Variants in IRAK1BP1 observed in about 807,000 individuals in gnomAD.
IRAK1BP1 encodes interleukin 1 receptor associated kinase 1 binding protein 1.
In IRAK1BP1, 24 loss-of-function variants were observed where a neutral mutation model predicts 28.0. The observed-to-expected ratio is 0.86, with a 90% CI of 0.62 to 1.20. The LOEUF (loss-of-function observed/expected upper bound fraction) is 1.20, where lower values mean the gene tolerates loss of function less well. Ranked by LOEUF, IRAK1BP1 falls within the 50% of genes most tolerant of loss-of-function variation. IRAK1BP1 has a pLI of 0.00. For missense variants in IRAK1BP1, 336 were observed against 316.7 expected, an observed-to-expected ratio of 1.06 and a Z score of -0.46; for synonymous variants, 131 against 116.3, an observed-to-expected ratio of 1.13 and a Z score of -0.81.
chr6:78,973,183 C>A, the IRAK1BP1 span, among the ~76,000 whole-genome samples: 1 of 152,098 alleles, frequency 6.6e-6, no homozygotes. Context: ...GATCTCTCAG[C>A]AGAAACTCTA....
intron 4 of IRAK1BP1, among the ~76,000 whole-genome samples, chr6:78,908,244 G>T (rs966177334): frequency 6.6e-6 from 1 of 151,472 alleles, no homozygotes; most frequent in African/African-American, 2.4e-5. Context: ...GTAGAGATGG[G>T]GTTTCACCAT....
At chr6:78,955,737 C>A in the IRAK1BP1 span, 2 of 649,480 alleles carry the variant, frequency 3.1e-6, no homozygotes, top group South Asian at 2.2e-5. Flanking sequence ...AATTTTTTTC[C>A]TTAAAAATTT....
exon 5 of IRAK1BP1, chr6:78,946,212 G>A: frequency 6.2e-7 from 1 of 1,613,406 alleles, no homozygotes; most frequent in Non-Finnish European, 8.5e-7. Context: ...CAGAGGTAGA[G>A]CTTTCTGATT....
the IRAK1BP1 span, among the ~76,000 whole-genome samples, chr6:78,962,011 G>A: frequency 6.6e-6 from 1 of 151,846 alleles, no homozygotes; most frequent in Non-Finnish European, 1.5e-5. Context: ...CAAATTCTAG[G>A]GGTATTGTTT....
At chr6:78,943,981 GTCT>G (rs1773653939) in intron 4 of IRAK1BP1, among the ~76,000 whole-genome samples, 1 of 46,010 alleles carries the variant, frequency 2.2e-5, no homozygotes, top group Non-Finnish European at 3.9e-5. Context: ...GCAAGATCCT[GTCT>G]TTTTTTAAAA....
chr6:78,912,540 A>ACAC (rs780097580), intron 4 of IRAK1BP1, among the ~76,000 whole-genome samples: 1 of 152,076 alleles, frequency 6.6e-6, no homozygotes, highest in Non-Finnish European at 1.5e-5. Flanking sequence ...ACACACATAC[A>ACAC]CACCACCACC....
At chr6:78,940,810 A>T (rs1306984956) in intron 4 of IRAK1BP1, 1 of 1,613,998 alleles carries the variant, frequency 6.2e-7, no homozygotes, top group South Asian at 1.1e-5. Flanking sequence ...GCTCCTCTTC[A>T]GAGTCATCCT....
At chr6:78,925,358 A>C (rs201098622) in intron 4 of IRAK1BP1, among the ~76,000 whole-genome samples, 1 of 152,202 alleles carries the variant, frequency 6.6e-6, no homozygotes, top group East Asian at 1.9e-4. Flanking sequence ...CAAAAGTCTC[A>C]TTCAAGAAAT....
chr6:78,885,743 T>C lies in IRAK1BP1; in HGVS notation c.381+300T>C, dbSNP rs545289081. Among the ~76,000 whole-genome samples, 8 of 152,276 alleles carry C rather than the reference T, an allele frequency of 5.3e-5. No homozygotes were observed. The East Asian group carries it at 1.3e-3, about 26-fold the overall frequency. ...ACACTACAGGAGAGAAATTTCTTTT[T>C]AGATAAAAAGCAAATAAAGTCATAA... On this transcript the variant is annotated intron_variant, in intron 2 of 3. Coordinates refer to ENST00000369940, the MANE Select transcript of IRAK1BP1 (RefSeq NM_001010844.4).
chr6:78,874,899 TAATTA>T (rs1449725008), intron 1 of IRAK1BP1, among the ~76,000 whole-genome samples: 1 of 152,164 alleles, frequency 6.6e-6, no homozygotes, highest in Non-Finnish European at 1.5e-5. Context: ...AAATGGGACT[TAATTA>T]AACTAAAGAG....
At chr6:78,907,772 T>G (rs1002726147), downstream of IRAK1BP1, among the ~76,000 whole-genome samples, 1 of 151,946 alleles carries the variant, frequency 6.6e-6, no homozygotes, top group Non-Finnish European at 1.5e-5. Context: ...CAGGCTGGAG[T>G]GCAATGGCGC....
intron 4 of IRAK1BP1, among the ~76,000 whole-genome samples, chr6:78,945,020 A>T (rs146537039): frequency 1.7e-3 from 258 of 152,282 alleles, no homozygotes; most frequent in African/African-American, 5.7e-3. Flanking sequence ...TTTCTAGAAA[A>T]GTGAAGAATG....
intron 4 of IRAK1BP1, chr6:78,940,556 T>TTTTTGTTTGTTTTG: frequency 1.1e-5 from 2 of 177,966 alleles, no homozygotes; most frequent in Admixed American, 1.3e-4. Context: ...TTGTTTTTTT[T>TTTTTGTTTGTTTTG]TTTTTTTTTT....
At position 78,871,304 on chromosome 6, in the gene IRAK1BP1, T is replaced by G. The variant is rs555312899; in HGVS notation, c.315+3413T>G. The G allele has an allele frequency of 3.0e-6, 3 of 985,290 alleles. No individual in the cohort carries two copies. In the Admixed American group the frequency reaches 1.8e-4, roughly 61 times the overall value. 61.0% of individuals were successfully genotyped at this position (985,290 alleles called of 1,614,324 possible). On this transcript the variant is annotated intron_variant, in intron 1 of 3. Coordinates refer to ENST00000369940, the MANE Select transcript of IRAK1BP1 (RefSeq NM_001010844.4). ...CGGTCACTCAGGATGCATATCTAAGTTCTAGTGCAAGAGAGGACTAGGAGT... is the reference window on the plus strand; with the variant it reads ...CGGTCACTCAGGATGCATATCTAAGGTCTAGTGCAAGAGAGGACTAGGAGT...
At chr6:78,973,007 G>A in the IRAK1BP1 span, among the ~76,000 whole-genome samples, 1 of 152,058 alleles carries the variant, frequency 6.6e-6, no homozygotes, top group Non-Finnish European at 1.5e-5. Flanking sequence ...CCAACGTTGA[G>A]ATTCAGGAAA....
rs145941361 is a variant in IRAK1BP1 at position 78,931,575 on chromosome 6, CA to C, written c.*68-13832del. Among the ~76,000 whole-genome samples, 629 of 152,258 alleles carry C rather than the reference CA, an allele frequency of 4.1e-3. 2 individuals are homozygous for C. The highest frequency in any genetic ancestry group is 0.014 in the African/African-American group (569 of 41,516). On this transcript the variant is annotated intron_variant and NMD_transcript_variant, in intron 4 of 4. Coordinates refer to the IRAK1BP1 transcript ENST00000606868. Reference sequence around the variant, plus strand: ...ACAAATATTGCAATAAAGCGAGTCACACAAACTTTTTGTTTCCTGGTGCATA... The same window carrying C: ...ACAAATATTGCAATAAAGCGAGTCACCAAACTTTTTGTTTCCTGGTGCATA...
At chr6:78,973,823 TA>T in the IRAK1BP1 span, among the ~76,000 whole-genome samples, 18 of 151,736 alleles carry the variant, frequency 1.2e-4, no homozygotes, top group Non-Finnish European at 2.4e-4. Flanking sequence ...CAAGAAGAGC[TA>T]ACTATCCTAA....
chr6:78,874,759 A>C (rs911095538), intron 1 of IRAK1BP1, among the ~76,000 whole-genome samples: 1 of 152,172 alleles, frequency 6.6e-6, no homozygotes, highest in African/African-American at 2.4e-5. Flanking sequence ...GTCCCAGTCC[A>C]TTTATTTAAA....
At chr6:78,956,677 C>G in the IRAK1BP1 span, 1 of 152,174 alleles carries the variant, frequency 6.6e-6, no homozygotes, top group African/African-American at 2.4e-5. Context: ...TCACGCTGCT[C>G]CTTATCCCTG....
Sources: gnomAD v4.1 joint callset for allele counts (sites outside exome capture counted in the v4.1 genomes callset) on GRCh38, gnomAD v4.1.1 for gene constraint, MANE v1.5 for transcripts, NCBI Gene and HGNC (gene_info 2026-07-23, HGNC 2026-07-21) for gene names.